Variants in SPIRE1 observed in about 807,000 individuals in gnomAD.
SPIRE1 encodes the protein protein spire homolog 1.
In SPIRE1, 40 loss-of-function variants were observed where a neutral mutation model predicts 94.1. The ratio of observed to expected loss-of-function variants is 0.43; its 90% CI spans 0.33 to 0.55. The LOEUF is 0.55. SPIRE1 is among the 20% of genes least tolerant of loss of function. SPIRE1 has a pLI of 0.06. For synonymous variants in SPIRE1, 376 were observed against 371.7 expected, an observed-to-expected ratio of 1.01 and a Z score of -0.13; for missense variants, 838 against 975.2, an observed-to-expected ratio of 0.86 and a Z score of 1.87.
intron 2 of SPIRE1, among the ~76,000 whole-genome samples, chr18:12,578,063 T>C (rs547634670): frequency 6.6e-6 from 1 of 152,236 alleles, no homozygotes; most frequent in African/African-American, 2.4e-5. Flanking sequence ...TAAGTATTGG[T>C]GAAGATGTGG....
At chr18:12,508,950 C>T (rs1393084129) in intron 5 of SPIRE1, among the ~76,000 whole-genome samples, 2 of 152,224 alleles carry the variant, frequency 1.3e-5, no homozygotes, top group Non-Finnish European at 2.9e-5. Context: ...GCTGAGATTA[C>T]AGGCGTGAGG....
intron 2 of SPIRE1, among the ~76,000 whole-genome samples, chr18:12,573,726 T>C (rs1023651491): frequency 4.0e-5 from 6 of 149,188 alleles, no homozygotes; most frequent in East Asian, 4.1e-4. Flanking sequence ...TTATGTACTA[T>C]TGACTTTTAA....
chr18:12,585,683 T>C (rs2144559608), intron 2 of SPIRE1, among the ~76,000 whole-genome samples: 1 of 152,300 alleles, frequency 6.6e-6, no homozygotes, highest in East Asian at 1.9e-4. Context: ...GGTCTATATG[T>C]ACTAACATGT....
intron 14 of SPIRE1, 98 bp from the exon 15 acceptor site, chr18:12,452,610 A>G: frequency 8.5e-7 from 1 of 1,170,926 alleles, no homozygotes; most frequent in Non-Finnish European, 1.3e-6. Context: ...TTTCCACAAT[A>G]AACTGCATAA....
intron 2 of SPIRE1, among the ~76,000 whole-genome samples, chr18:12,610,800 C>T (rs1026075116): frequency 6.6e-6 from 1 of 152,166 alleles, no homozygotes; most frequent in Non-Finnish European, 1.5e-5. Flanking sequence ...CTTCTCTCAT[C>T]CTCATTCTCA....
intron 13 of SPIRE1, 73 bp from the exon 14 acceptor site, chr18:12,453,211 G>A (rs989419158): frequency 3.0e-6 from 3 of 998,102 alleles, no homozygotes; most frequent in African/African-American, 1.6e-5. Flanking sequence ...GTTTGAATAT[G>A]CTTTACATCT....
At chr18:12,631,463 A>G (rs977276578) in intron 2 of SPIRE1, among the ~76,000 whole-genome samples, 3 of 138,406 alleles carry the variant, frequency 2.2e-5, no homozygotes, top group Non-Finnish European at 4.6e-5. Context: ...TATAATCCCA[A>G]CACTTTGGGA....
intron 2 of SPIRE1, among the ~76,000 whole-genome samples, chr18:12,633,382 G>A (rs778793652): frequency 2.6e-5 from 4 of 152,048 alleles, no homozygotes; most frequent in Non-Finnish European, 5.9e-5. Flanking sequence ...TTTGAGACCA[G>A]CCTGGCCAAC....
In SPIRE1 at chr18:12,514,271, T is replaced by C. The variant is rs183953736; in HGVS notation, c.730-1740A>G. Among the ~76,000 whole-genome samples, 350 of 152,290 alleles carry C rather than the reference T, an allele frequency of 2.3e-3. 3 individuals carry two copies. Among genetic ancestry groups the C allele is most frequent in the South Asian group, 0.014 (69 of 4,826 alleles). On this transcript the variant is annotated intron_variant, in intron 4 of 16. Transcript: ENST00000409402. ...TATCTGTTACACACTTGTGCAAACG[T>C]CACCTTCTCAACGGGGTCTATCTTG...
rs747311581 is a variant in SPIRE1 at position 12,449,757 on chromosome 18, G to A, written c.2152C>T (p.Arg718Cys). 1.2e-6 allele frequency: 2 copies of A among 1,613,938 alleles called. No individual in the cohort carries two copies. The highest frequency in any genetic ancestry group is 1.3e-5 in the African/African-American group (1 of 74,864). ...FISEIISSSR[R>C]SLVLANKRAR... is the part of the protein sequence containing the mutation. ...CTTTTGTTGGCCAACACCAGACTGC[G>A]CCGGCTTGAACTGATGATTTCCGAA... The change falls in exon 17 of 17, where the codon CGC (arginine) becomes TGC (cysteine). Residue 718 changes from arginine (R) to cysteine (C), a missense_variant. By Grantham distance (180) the Arg-to-Cys change is radical (BLOSUM62 -3). This residue lies in a region of SPIRE1 where 645 missense variants were observed against 804.7 expected (regional missense o/e 0.80). Transcript: ENST00000409402.
At chr18:12,575,206 G>A (rs770653206) in intron 2 of SPIRE1, among the ~76,000 whole-genome samples, 17 of 151,966 alleles carry the variant, frequency 1.1e-4, no homozygotes, top group Non-Finnish European at 2.4e-4. Flanking sequence ...CAAAGTTACT[G>A]ACAGTGATAC....
At chr18:12,635,034 C>T in intron 2 of SPIRE1, 28 bp downstream of exon 2, 1 of 1,366,956 alleles carries the variant, frequency 7.3e-7, no homozygotes, top group Non-Finnish European at 1.0e-6. Context: ...AGCTGCTTTA[C>T]TAAGAAATAT....
chr18:12,569,000 C>T (rs2035885429), intron 2 of SPIRE1, among the ~76,000 whole-genome samples: 1 of 152,172 alleles, frequency 6.6e-6, no homozygotes, highest in African/African-American at 2.4e-5. Context: ...CTAATTTAAA[C>T]CTGAGCCAAA....
At chr18:12,583,768 C>CA (rs889351901) in intron 2 of SPIRE1, among the ~76,000 whole-genome samples, 1 of 150,810 alleles carries the variant, frequency 6.6e-6, no homozygotes, top group Non-Finnish European at 1.5e-5. Context: ...CTACAAAATA[C>CA]AAAAAAAAGT....
chr18:12,552,587 G>T (rs955411051), intron 2 of SPIRE1, among the ~76,000 whole-genome samples: 2 of 152,024 alleles, frequency 1.3e-5, no homozygotes, highest in African/African-American at 4.8e-5. Context: ...CACACCCTGG[G>T]CCTGGTAGTT....
At chr18:12,534,405 C>T (rs187229329) in intron 4 of SPIRE1, among the ~76,000 whole-genome samples, 62 of 152,140 alleles carry the variant, frequency 4.1e-4, no homozygotes, top group African/African-American at 1.2e-3. Flanking sequence ...TTTTAGGTGT[C>T]GACTTGACTG....
In SPIRE1 at chr18:12,536,210, G is replaced by A. The variant is rs1236462753; in HGVS notation, c.604-609C>T. 4.6e-5 allele frequency among the ~76,000 whole-genome samples: 7 copies of A among 152,244 alleles called. No homozygotes were observed. The East Asian group carries it at 1.2e-3, about 25-fold the overall frequency. The stretch of plus-strand genomic sequence containing the variant: ...GGTTGGGAACAGAAAGAGAACCACC[G>A]TTTATTGTATACTGATGACGGATCC... On this transcript the variant is annotated intron_variant, in intron 3 of 16. Coordinates refer to ENST00000409402, the MANE Select transcript of SPIRE1 (RefSeq NM_001128626.2).
chr18:12,509,890 G>T (rs1465857369), intron 5 of SPIRE1, among the ~76,000 whole-genome samples: 8 of 152,014 alleles, frequency 5.3e-5, no homozygotes, highest in Non-Finnish European at 1.0e-4. Context: ...TACGAGATCA[G>T]CCTGACCAAC....
At chr18:12,555,113 C>T (rs1312126094) in intron 2 of SPIRE1, among the ~76,000 whole-genome samples, 1 of 152,066 alleles carries the variant, frequency 6.6e-6, no homozygotes, top group Non-Finnish European at 1.5e-5. Flanking sequence ...TATATAAACC[C>T]CTAATTTTAG....
Sources: gnomAD v4.1 joint callset for allele counts (sites outside exome capture counted in the v4.1 genomes callset) on GRCh38, gnomAD v4.1.1 for gene constraint, gnomAD v4.1.1 regional missense constraint, MANE v1.5 for transcripts, NCBI Gene and HGNC (gene_info 2026-07-23, HGNC 2026-07-21) for gene names.